The following CLIP2 variants were observed in gnomAD, a reference collection of about 807,000 sequenced individuals.
The protein encoded by CLIP2 is CAP-Gly domain containing linker protein 2.
Under a neutral mutation model 111.7 loss-of-function variants are expected in CLIP2, and 41 were observed. The ratio of observed to expected loss-of-function variants is 0.37; its 90% CI spans 0.29 to 0.48. CLIP2 has a LOEUF of 0.48. CLIP2 is among the 20% of genes least tolerant of loss of function. The pLI is 0.99. For synonymous variants in CLIP2, 660 were observed against 644.2 expected (o/e 1.02, Z -0.37); for missense variants, 1,160 against 1,422.1 (o/e 0.82, Z 2.96).
At position 74,405,387 on chromosome 7, in the gene CLIP2, A is replaced by G. The variant is rs1554318451; in HGVS notation, c.*1539A>G. ...TCCCGGCTTTCCCGTAACGCACAGGACACGTGTGCAATTCATAGGAACGGC... is the reference window on the plus strand; with the variant it reads ...TCCCGGCTTTCCCGTAACGCACAGGGCACGTGTGCAATTCATAGGAACGGC... On this transcript the variant is annotated 3_prime_UTR_variant, in exon 17 of 17. Transcript: ENST00000223398. 1 of 152,168 alleles carries G rather than the reference A, an allele frequency of 6.6e-6. No individual in the cohort carries two copies. Among genetic ancestry groups the G allele is most frequent in the Non-Finnish European group, 1.5e-5 (1 of 68,050 alleles). The allele number at this position is 152,168 out of a possible 1,614,324, so 9.4% of individuals were successfully genotyped here.
At chr7:74,375,837 T>G (rs1217600306) in intron 9 of CLIP2, 50 bp from the exon 10 acceptor site, 4 of 1,444,782 alleles carry the variant, frequency 2.8e-6, no homozygotes, top group Non-Finnish European at 2.7e-6. Context: ...CTCCTTACCT[T>G]CCAGCCAGCC....
rs1314102460 is a variant in CLIP2, at chr7:74,405,678, C to G, written c.*1830C>G. The G allele has an allele frequency of 1.3e-5, 2 of 152,684 alleles. No individual in the cohort carries two copies. Among genetic ancestry groups the G allele is most frequent in the Non-Finnish European group, 2.9e-5 (2 of 68,088 alleles). The allele number at this position is 152,684 out of a possible 1,614,324, so 9.5% of individuals were successfully genotyped here. On this transcript the variant is annotated 3_prime_UTR_variant, in exon 17 of 17. Coordinates refer to ENST00000223398, the MANE Select transcript of CLIP2 (RefSeq NM_003388.5). ...GGGGCACCGATTAGTCTACTAACAG[C>G]CAGAGGTCCATCTAGCAGGGTGCCG...
chr7:74,313,710 T>G (rs1788700318), intron 1 of CLIP2, among the ~76,000 whole-genome samples: 3 of 152,052 alleles, frequency 2.0e-5, no homozygotes, highest in Admixed American at 6.6e-5. Flanking sequence ...CTGCAGCTTC[T>G]GGCTTCCATC....
intron 1 of CLIP2, among the ~76,000 whole-genome samples, chr7:74,302,319 G>A (rs1225566443): frequency 7.9e-5 from 12 of 151,972 alleles, no homozygotes; most frequent in Admixed American, 2.0e-4. Context: ...TGGTTCAAGC[G>A]ATTCTCCTGC....
At chr7:74,384,384 A>G (rs1358940248) in intron 11 of CLIP2, among the ~76,000 whole-genome samples, 1 of 151,186 alleles carries the variant, frequency 6.6e-6, no homozygotes, top group Non-Finnish European at 1.5e-5. Flanking sequence ...CTTGTTAAGT[A>G]CCTGTTTTCA....
At chr7:74,307,190 GTTC>G (rs1554727873) in intron 1 of CLIP2, among the ~76,000 whole-genome samples, 2 of 152,190 alleles carry the variant, frequency 1.3e-5, no homozygotes, top group Non-Finnish European at 2.9e-5. Context: ...TGCCGCCTTG[GTTC>G]TCCTCTCCTG....
intron 1 of CLIP2, among the ~76,000 whole-genome samples, chr7:74,302,466 C>T (rs1788367138): frequency 6.6e-6 from 1 of 152,180 alleles, no homozygotes; most frequent in Non-Finnish European, 1.5e-5. Context: ...CCACACACCT[C>T]AGCCTCCCAC....
chr7:74,379,840 G>T (rs532201769), intron 10 of CLIP2, among the ~76,000 whole-genome samples: 1 of 152,048 alleles, frequency 6.6e-6, no homozygotes, highest in African/African-American at 2.4e-5. Flanking sequence ...CTACTCGCTC[G>T]GGAGGCCGAG....
rs1028893221 is a variant in CLIP2 at position 74,324,493 on chromosome 7, G to A, written c.121+6826G>A. 3.3e-5 allele frequency among the ~76,000 whole-genome samples: 5 copies of A among 152,082 alleles called. No homozygotes were observed. The East Asian group carries it at 7.7e-4, about 23-fold the overall frequency. On this transcript the variant is annotated intron_variant, in intron 2 of 16. Transcript: ENST00000223398. ...CCGGTGGTCTGGGGATGGGGACAAG[G>A]ACTGGGTGGTCGGACTGCCTTGGGC...
intron 13 of CLIP2, among the ~76,000 whole-genome samples, chr7:74,394,624 C>G (rs983448280): frequency 6.6e-6 from 1 of 152,196 alleles, no homozygotes; most frequent in Non-Finnish European, 1.5e-5. Context: ...GAAGAAATGC[C>G]ATCTCCTTTC....
intron 1 of CLIP2, among the ~76,000 whole-genome samples, chr7:74,310,836 C>T (rs1788624407): frequency 6.6e-6 from 1 of 151,930 alleles, no homozygotes; most frequent in Non-Finnish European, 1.5e-5. Context: ...CTCAGCCTTC[C>T]AGGTAGTTGG....
At chr7:74,400,000 A>G (rs1270947506) in intron 14 of CLIP2, among the ~76,000 whole-genome samples, 2 of 151,662 alleles carry the variant, frequency 1.3e-5, no homozygotes, top group East Asian at 3.9e-4. Flanking sequence ...TAAAAATAGG[A>G]AAAAATTAGC....
Position 74,359,606 on chromosome 7 carries a change from T to C in CLIP2, c.1216-569T>C, listed in dbSNP as rs150975834. 3.9e-3 allele frequency among the ~76,000 whole-genome samples: 599 copies of C among 152,168 alleles called. 2 individuals are homozygous for C. Among genetic ancestry groups the C allele is most frequent in the African/African-American group, 0.011 (454 of 41,542 alleles). On this transcript the variant is annotated intron_variant, in intron 6 of 16. Coordinates refer to ENST00000223398, the MANE Select transcript of CLIP2 (RefSeq NM_003388.5). Reference sequence around the variant, plus strand: ...TCCTGACCTTGTGATCCGCCCGCCTTGGCCTCCCAAAGTGCTGAGATTACA... The same window carrying C: ...TCCTGACCTTGTGATCCGCCCGCCTCGGCCTCCCAAAGTGCTGAGATTACA...
At chr7:74,359,416 T>G (rs189815302) in intron 6 of CLIP2, among the ~76,000 whole-genome samples, 1 of 149,626 alleles carries the variant, frequency 6.7e-6, no homozygotes, top group Non-Finnish European at 1.5e-5. Flanking sequence ...TGCAGTAGTG[T>G]GATCTTGGCT....
rs138221844 is a variant in CLIP2, at chr7:74,329,550, ATTGTTTGT to A, written c.122-8875_122-8868del. On this transcript the variant is annotated intron_variant, in intron 2 of 16. Coordinates refer to ENST00000223398, the MANE Select transcript of CLIP2 (RefSeq NM_003388.5). Reference sequence around the variant, plus strand: ...AAGCTTCTTTGAACTTGGAGGTTAAATTGTTTGTTTGTTTGTTTGTTTGTTTGTTTTCA... The same window carrying A: ...AAGCTTCTTTGAACTTGGAGGTTAAATTGTTTGTTTGTTTGTTTGTTTTCA... Among the ~76,000 whole-genome samples, 471 of 151,924 alleles carry A rather than the reference ATTGTTTGT, an allele frequency of 3.1e-3. 1 individual carries two copies. Among genetic ancestry groups the A allele is most frequent in the African/African-American group, 0.01 (433 of 41,422 alleles).
At chr7:74,387,611 C>T (rs1791151164) in intron 12 of CLIP2, among the ~76,000 whole-genome samples, 1 of 152,180 alleles carries the variant, frequency 6.6e-6, no homozygotes, top group Non-Finnish European at 1.5e-5. Flanking sequence ...CAGCCCCCCT[C>T]CTCGGAAATG....
In CLIP2 at chr7:74,313,567, A is replaced by G. The variant is rs146877284; in HGVS notation, c.-67-3913A>G. 1.2e-3 allele frequency among the ~76,000 whole-genome samples: 186 copies of G among 151,942 alleles called. 1 individual carries two copies. Among genetic ancestry groups the G allele is most frequent in the African/African-American group, 4.2e-3 (173 of 41,474 alleles). On this transcript the variant is annotated intron_variant, in intron 1 of 16. Transcript: ENST00000223398. ...AGAGTGAGACTCCATCTCAAAAAAA[A>G]AAAAAAATGAAGAGCCCAAGTGGCC...
chr7:74,375,837 TCCAG>T (rs558176511), intron 9 of CLIP2, 46 bp from the exon 10 acceptor site: 41 of 1,444,548 alleles, frequency 2.8e-5, no homozygotes, highest in Non-Finnish European at 2.6e-5. Flanking sequence ...CTCCTTACCT[TCCAG>T]CCAGCCAGCC....
chr7:74,333,758 C>G (rs1789367917), intron 2 of CLIP2, among the ~76,000 whole-genome samples: 1 of 152,206 alleles, frequency 6.6e-6, no homozygotes, highest in Admixed American at 6.5e-5. Context: ...GCTGGGATTA[C>G]AGGCATGAGC....
Sources: allele counts gnomAD v4.1 joint callset (sites outside exome capture counted in the v4.1 genomes callset), GRCh38; gene constraint gnomAD v4.1.1; transcripts MANE v1.5; gene names NCBI Gene and HGNC (gene_info 2026-07-23, HGNC 2026-07-21).